SOX5: variants seen among roughly 807,000 people sequenced by gnomAD.
SOX5 encodes SRY-box transcription factor 5, also known as transcription factor SOX-5.
A neutral mutation model predicts 92.0 loss-of-function variants in SOX5; 9 were observed. The observed-to-expected ratio is 0.10, with a 90% CI of 0.06 to 0.17. The LOEUF (loss-of-function observed/expected upper bound fraction) is 0.17. Among genes scored for constraint, SOX5 ranks in the 10% least tolerant of loss-of-function variants. The pLI is 1.00. For synonymous variants in SOX5, 344 were observed against 336.3 expected, an observed-to-expected ratio of 1.02 and a Z score of -0.25; for missense variants, 642 against 944.5, an observed-to-expected ratio of 0.68 and a Z score of 4.20.
chr12:23,589,765 A>ATCT (rs1951266893), intron 9 of SOX5, among the ~76,000 whole-genome samples: 1 of 151,992 alleles, frequency 6.6e-6, no homozygotes, highest in African/African-American at 2.4e-5. Flanking sequence ...CTTAGGTACA[A>ATCT]TCTTATTCTA....
intron 5 of SOX5, among the ~76,000 whole-genome samples, chr12:23,737,956 A>C (rs149607581): frequency 6.6e-6 from 1 of 152,364 alleles, no homozygotes; most frequent in African/African-American, 2.4e-5. Flanking sequence ...AATGCCCTGC[A>C]TAAGTTTTCA....
chr12:24,228,079 G>A (rs942876401), intron 3 of SOX5, among the ~76,000 whole-genome samples: 1 of 152,158 alleles, frequency 6.6e-6, no homozygotes, highest in Non-Finnish European at 1.5e-5. Context: ...AAGGCATATG[G>A]CTTCCTTCCT....
intron 1 of SOX5, among the ~76,000 whole-genome samples, chr12:24,537,961 T>C (rs953157467): frequency 6.6e-6 from 1 of 152,234 alleles, no homozygotes; most frequent in Non-Finnish European, 1.5e-5. Flanking sequence ...GATTGATGTT[T>C]CCTTTTATTT....
In SOX5 at chr12:23,908,973, G is replaced by GA. The variant is rs532844770; in HGVS notation, c.39-12950dup. Among the ~76,000 whole-genome samples the GA allele has an allele frequency of 7.4e-3, 1,077 of 145,250 alleles. 15 individuals carry two copies. Among genetic ancestry groups the GA allele is most frequent in the Non-Finnish European group, 7.3e-3 (478 of 65,818 alleles). ...TTTAGCACATGCCCTGTTGTTTTTA[G>GA]AAAAAAAAAAAGTTTAAAAGCATGG... is the stretch of plus-strand genomic sequence containing the variant. On this transcript the variant is annotated intron_variant, in intron 1 of 14. Coordinates refer to ENST00000451604, the MANE Select transcript of SOX5 (RefSeq NM_006940.6).
intron 4 of SOX5, among the ~76,000 whole-genome samples, chr12:24,014,287 C>T (rs16926960): frequency 0.021 from 3,255 of 152,218 alleles, 105 homozygotes; most frequent in African/African-American, 0.075. Context: ...TATAACCTTC[C>T]TGGATAACTA....
intron 3 of SOX5, among the ~76,000 whole-genome samples, chr12:24,243,286 A>C (rs1354873242): frequency 6.6e-6 from 1 of 152,260 alleles, no homozygotes; most frequent in Admixed American, 6.5e-5. Context: ...CAATTTCTCT[A>C]TTTCCAGTTT....
chr12:23,914,015 G>C (rs1036058222), intron 1 of SOX5, among the ~76,000 whole-genome samples: 1 of 152,102 alleles, frequency 6.6e-6, no homozygotes, highest in Non-Finnish European at 1.5e-5. Context: ...CCTTCAGTTT[G>C]TCACAGGAAA....
At chr12:23,557,901 T>C (rs1247742804) in intron 11 of SOX5, among the ~76,000 whole-genome samples, 1 of 144,056 alleles carries the variant, frequency 6.9e-6, no homozygotes, top group Admixed American at 7.3e-5. Context: ...GCTTGAACCC[T>C]GGAGGCGGAG....
At chr12:24,242,554 GTTTAT>G (rs1965733936) in intron 3 of SOX5, among the ~76,000 whole-genome samples, 1 of 152,132 alleles carries the variant, frequency 6.6e-6, no homozygotes, top group Admixed American at 6.5e-5. Context: ...TTCCCACTGA[GTTTAT>G]TTTCTCTTCT....
intron 1 of SOX5, among the ~76,000 whole-genome samples, chr12:24,495,982 C>T (rs1003678539): frequency 1.3e-5 from 2 of 152,228 alleles, no homozygotes; most frequent in Non-Finnish European, 2.9e-5. Flanking sequence ...GAAGTGATTC[C>T]ATGACTTTAT....
intron 3 of SOX5, among the ~76,000 whole-genome samples, chr12:24,237,112 G>A (rs147122960): frequency 3.2e-4 from 48 of 152,268 alleles, no homozygotes; most frequent in African/African-American, 1.1e-3. Flanking sequence ...AGCAGCTTAC[G>A]TATGCTCTGA....
At chr12:24,199,706 T>G (rs1293994977) in intron 4 of SOX5, among the ~76,000 whole-genome samples, 1 of 152,222 alleles carries the variant, frequency 6.6e-6, no homozygotes, top group Admixed American at 6.5e-5. Context: ...CTCTAACTCC[T>G]GCTAAAGCCA....
At chr12:23,550,241 G>T (rs1943936735) in intron 11 of SOX5, among the ~76,000 whole-genome samples, 2 of 151,942 alleles carry the variant, frequency 1.3e-5, no homozygotes, top group African/African-American at 4.8e-5. Context: ...GGGATTCATG[G>T]GAAGAGGACA....
At chr12:24,029,010 C>A (rs757346769) in intron 4 of SOX5, among the ~76,000 whole-genome samples, 1 of 151,838 alleles carries the variant, frequency 6.6e-6, no homozygotes, top group East Asian at 1.9e-4. Context: ...ATAACCAAAC[C>A]AATTACATTT....
intron 4 of SOX5, among the ~76,000 whole-genome samples, chr12:24,138,590 G>A (rs1000280432): frequency 7.3e-5 from 11 of 151,572 alleles, no homozygotes; most frequent in African/African-American, 2.7e-4. Context: ...GTGTAGAGGA[G>A]GTTGGTGGGG....
chr12:23,950,749 A>G (rs778707737), upstream of SOX5: 16 of 881,002 alleles, frequency 1.8e-5, no homozygotes, highest in Non-Finnish European at 2.9e-5. Context: ...GGCAAGGCAC[A>G]GCCTCCATAG....
At chr12:23,595,933 A>T (rs1952336831) in intron 9 of SOX5, among the ~76,000 whole-genome samples, 1 of 152,170 alleles carries the variant, frequency 6.6e-6, no homozygotes, top group African/African-American at 2.4e-5. Context: ...TGAAGAAAAT[A>T]ACAAAAAAGA....
chr12:23,825,895 C>G (rs1347819469), intron 3 of SOX5, among the ~76,000 whole-genome samples: 4 of 152,060 alleles, frequency 2.6e-5, no homozygotes, highest in Admixed American at 2.0e-4. Flanking sequence ...ATTAAGAACT[C>G]TAAGATTTAC....
intron 1 of SOX5, among the ~76,000 whole-genome samples, chr12:24,559,057 G>A (rs1954083924): frequency 6.6e-6 from 1 of 152,156 alleles, no homozygotes; most frequent in Non-Finnish European, 1.5e-5. Context: ...ACAAATGGGT[G>A]TTTTAAAACA....
Sources: allele counts gnomAD v4.1 joint callset (sites outside exome capture counted in the v4.1 genomes callset), GRCh38; gene constraint gnomAD v4.1.1; transcripts MANE v1.5; gene names NCBI Gene and HGNC (gene_info 2026-07-23, HGNC 2026-07-21).